The following NWD2 variants were observed in gnomAD, a reference collection of about 807,000 sequenced individuals.
NWD2 encodes the protein NACHT and WD repeat domain-containing protein 2.
NWD2 carries 37 observed loss-of-function variants against 132.7 expected under a neutral mutation model. That is an observed-to-expected ratio of 0.28 (90% confidence interval 0.21 to 0.37). The LOEUF (loss-of-function observed/expected upper bound fraction) is 0.37. NWD2 is among the 10% of genes least tolerant of loss of function. The pLI is 1.00. For missense variants in NWD2, 1,592 were observed against 2,122.4 expected (o/e 0.75, Z 4.91); for synonymous variants, 705 against 803.0 (o/e 0.88, Z 2.06).
At chr4:37,376,278 A>G (rs1382986) in intron 3 of NWD2, among the ~76,000 whole-genome samples, 41,902 of 152,194 alleles carry the variant, frequency 0.28, 6,342 homozygotes, top group East Asian at 0.5. Context: ...CAACATTATC[A>G]GCTCTGAATA....
intron 1 of NWD2, among the ~76,000 whole-genome samples, chr4:37,315,803 A>G (rs189958562): frequency 1.3e-5 from 2 of 152,100 alleles, no homozygotes; most frequent in East Asian, 3.9e-4. Context: ...ATATTTTAGT[A>G]TATCATTTTA....
intron 1 of NWD2, among the ~76,000 whole-genome samples, chr4:37,253,010 C>T (rs534580613): frequency 3.3e-5 from 5 of 150,462 alleles, no homozygotes; most frequent in Admixed American, 2.0e-4. Context: ...AACCCCCCCC[C>T]CTTATGTTTT....
intron 1 of NWD2, among the ~76,000 whole-genome samples, chr4:37,297,848 A>G (rs1158870361): frequency 1.3e-5 from 2 of 152,184 alleles, no homozygotes; most frequent in Non-Finnish European, 2.9e-5. Context: ...CAGGAGGAAC[A>G]TGAAGTTGGT....
intron 1 of NWD2, among the ~76,000 whole-genome samples, chr4:37,312,439 T>C (rs1718865562): frequency 6.6e-6 from 1 of 151,082 alleles, no homozygotes; most frequent in African/African-American, 2.5e-5. Context: ...TTGTCTGTTA[T>C]TGGTGTATAG....
intron 2 of NWD2, among the ~76,000 whole-genome samples, chr4:37,343,622 G>C (rs183075970): frequency 2.0e-5 from 3 of 152,238 alleles, no homozygotes; most frequent in East Asian, 3.9e-4. Flanking sequence ...TCAAAACTCA[G>C]TCATATTATC....
chr4:37,302,208 A>C (rs974465968), intron 1 of NWD2, among the ~76,000 whole-genome samples: 10 of 151,946 alleles, frequency 6.6e-5, no homozygotes, highest in African/African-American at 2.4e-4. Context: ...GTGAACATGC[A>C]TTCTTTATCC....
At chr4:37,408,571 A>G (rs994027940) in intron 3 of NWD2, among the ~76,000 whole-genome samples, 3 of 152,214 alleles carry the variant, frequency 2.0e-5, no homozygotes, top group African/African-American at 7.2e-5. Flanking sequence ...GGGACAGAGC[A>G]TGAGGGGAAA....
At chr4:37,412,578 T>C (rs1178270984) in intron 3 of NWD2, among the ~76,000 whole-genome samples, 1 of 152,150 alleles carries the variant, frequency 6.6e-6, no homozygotes, top group Non-Finnish European at 1.5e-5. Context: ...ATAGATACAA[T>C]GCTATCCCCA....
chr4:37,363,673 G>T (rs1306356411), intron 3 of NWD2, among the ~76,000 whole-genome samples: 1 of 152,196 alleles, frequency 6.6e-6, no homozygotes, highest in Non-Finnish European at 1.5e-5. Flanking sequence ...CACAGAGAAT[G>T]AGGGAGGGGG....
chr4:37,310,919 T>A (rs570375316), intron 1 of NWD2, among the ~76,000 whole-genome samples: 13 of 151,732 alleles, frequency 8.6e-5, no homozygotes, highest in African/African-American at 2.9e-4. Flanking sequence ...TTACTGAGAA[T>A]GATGATTTCC....
intron 3 of NWD2, among the ~76,000 whole-genome samples, chr4:37,369,657 A>G (rs1720175806): frequency 6.6e-6 from 1 of 152,234 alleles, no homozygotes; most frequent in Non-Finnish European, 1.5e-5. Context: ...TCCTTTAAAC[A>G]ATCAAGGAAG....
chr4:37,351,253 G>C (rs991684542), intron 2 of NWD2, among the ~76,000 whole-genome samples: 1 of 152,168 alleles, frequency 6.6e-6, no homozygotes, highest in Non-Finnish European at 1.5e-5. Flanking sequence ...CAGAAGGAAT[G>C]GTGCCAGCTC....
At chr4:37,289,060 A>G (rs1560386075) in intron 1 of NWD2, among the ~76,000 whole-genome samples, 1 of 152,130 alleles carries the variant, frequency 6.6e-6, no homozygotes, top group Non-Finnish European at 1.5e-5. Context: ...AACTGCACAT[A>G]TGGTTTACAT....
intron 2 of NWD2, among the ~76,000 whole-genome samples, chr4:37,347,698 G>C (rs1192795056): frequency 2.6e-5 from 4 of 152,086 alleles, no homozygotes; most frequent in Non-Finnish European, 1.5e-5. Context: ...ATGGCATACT[G>C]TTATAATTAT....
chr4:37,295,671 T>G (rs1425188231), intron 1 of NWD2, among the ~76,000 whole-genome samples: 2 of 152,228 alleles, frequency 1.3e-5, no homozygotes, highest in Non-Finnish European at 2.9e-5. Flanking sequence ...CTTCGTCTCC[T>G]ACCCTGACTT....
At chr4:37,257,244 G>T (rs1040950348) in intron 1 of NWD2, among the ~76,000 whole-genome samples, 2 of 152,206 alleles carry the variant, frequency 1.3e-5, no homozygotes, top group Admixed American at 6.5e-5. Context: ...CCTGCCCAAG[G>T]TGCAGGTGCA....
chr4:37,267,724 C>T (rs1717785665), intron 1 of NWD2, among the ~76,000 whole-genome samples: 1 of 151,800 alleles, frequency 6.6e-6, no homozygotes, highest in African/African-American at 2.4e-5. Context: ...TGAGTACTTA[C>T]TATATGCCAG....
chr4:37,442,460 T>C (rs931628303), intron 6 of NWD2, among the ~76,000 whole-genome samples: 5 of 152,218 alleles, frequency 3.3e-5, no homozygotes, highest in Non-Finnish European at 5.9e-5. Context: ...ACTCCAGCTT[T>C]GTCTCTTGGT....
At chr4:37,394,806 T>TTTTG (rs1720750392) in intron 3 of NWD2, among the ~76,000 whole-genome samples, 1 of 100,506 alleles carries the variant, frequency 9.9e-6, no homozygotes, top group African/African-American at 3.6e-5. Flanking sequence ...ATGGTTTTTT[T>TTTTG]TTTTTTTTTT....
Sources: allele counts gnomAD v4.1 joint callset (sites outside exome capture counted in the v4.1 genomes callset), GRCh38; gene constraint gnomAD v4.1.1; transcripts MANE v1.5; gene names NCBI Gene and HGNC (gene_info 2026-07-23, HGNC 2026-07-21).